The following DGKB variants were observed in gnomAD, a reference collection of about 807,000 sequenced individuals.
DGKB encodes the protein 90 kDa diacylglycerol kinase.
A neutral mutation model predicts 114.3 loss-of-function variants in DGKB; 67 were observed. The ratio of observed to expected loss-of-function variants is 0.59; its 90% CI spans 0.48 to 0.72. DGKB has a LOEUF of 0.72. Among genes scored for constraint, DGKB ranks in the 30% least tolerant of loss-of-function variants. The probability of loss-of-function intolerance (pLI) is 0.00; values close to 1 mark genes in which losing one functional copy is unlikely to be tolerated. For synonymous variants in DGKB, 398 were observed against 323.1 expected, an observed-to-expected ratio of 1.23 and a Z score of -2.49; for missense variants, 907 against 975.2, an observed-to-expected ratio of 0.93 and a Z score of 0.93.
chr7:14,641,179 G>A, intron 13 of DGKB, among the ~76,000 whole-genome samples: 1 of 152,122 alleles, frequency 6.6e-6, no homozygotes, highest in Non-Finnish European at 1.5e-5. Flanking sequence ...TTTCCAAAAT[G>A]GATAGAAAAA....
At chr7:14,295,219 A>G (rs4721319) in intron 23 of DGKB, among the ~76,000 whole-genome samples, 120,776 of 152,094 alleles carry the variant, frequency 0.79, 48,387 homozygotes, top group South Asian at 0.92. Context: ...TAGAAAGGAA[A>G]TCATACAAAA....
chr7:14,277,453 G>A (rs983144326), intron 23 of DGKB, among the ~76,000 whole-genome samples: 8 of 152,118 alleles, frequency 5.3e-5, no homozygotes, highest in East Asian at 1.9e-4. Flanking sequence ...GATTACAGGC[G>A]TGAATCACTG....
At chr7:14,490,508 G>T (rs1276166170) in intron 20 of DGKB, among the ~76,000 whole-genome samples, 1 of 152,064 alleles carries the variant, frequency 6.6e-6, no homozygotes, top group African/African-American at 2.4e-5. Context: ...ACTAGAAATG[G>T]TTATCTAGAC....
At chr7:14,242,375 G>C (rs1446719616) in intron 23 of DGKB, among the ~76,000 whole-genome samples, 1 of 152,126 alleles carries the variant, frequency 6.6e-6, no homozygotes, top group Non-Finnish European at 1.5e-5. Context: ...CTTTCTGTGA[G>C]GTAAGAGGTC....
At chr7:14,455,145 T>C (rs916668752) in intron 21 of DGKB, among the ~76,000 whole-genome samples, 1 of 152,082 alleles carries the variant, frequency 6.6e-6, no homozygotes, top group Non-Finnish European at 1.5e-5. Flanking sequence ...TATTTCTTTA[T>C]GACAACCAGG....
At chr7:14,738,013 A>G (rs1490045501) in intron 4 of DGKB, among the ~76,000 whole-genome samples, 1 of 152,248 alleles carries the variant, frequency 6.6e-6, no homozygotes, top group South Asian at 2.1e-4. Flanking sequence ...ACTTCCAAAA[A>G]AGCAATTTGC....
intron 23 of DGKB, among the ~76,000 whole-genome samples, chr7:14,330,267 C>A (rs1809493533): frequency 6.6e-6 from 1 of 151,752 alleles, no homozygotes; most frequent in Non-Finnish European, 1.5e-5. Context: ...ATCAATAAAC[C>A]ATATATTTTT....
intron 21 of DGKB, among the ~76,000 whole-genome samples, chr7:14,466,852 T>A (rs971266636): frequency 6.6e-6 from 1 of 152,130 alleles, no homozygotes; most frequent in East Asian, 1.9e-4. Flanking sequence ...ACGATGGCGT[T>A]TATATAGAGA....
At chr7:14,830,353 C>T (rs1001301907) in intron 2 of DGKB, among the ~76,000 whole-genome samples, 4 of 141,856 alleles carry the variant, frequency 2.8e-5, no homozygotes, top group African/African-American at 1.1e-4. Flanking sequence ...TTTTAAGAGC[C>T]CATTTCTAGA....
chr7:14,181,275 A>C (rs1167151399), intron 23 of DGKB, among the ~76,000 whole-genome samples: 1 of 152,210 alleles, frequency 6.6e-6, no homozygotes, highest in Non-Finnish European at 1.5e-5. Flanking sequence ...CCTATGCTTT[A>C]GAGAAACATG....
At chr7:14,697,329 T>C (rs1038794622) in intron 8 of DGKB, among the ~76,000 whole-genome samples, 7 of 152,124 alleles carry the variant, frequency 4.6e-5, no homozygotes, top group African/African-American at 1.2e-4. Flanking sequence ...AAATAGTGTA[T>C]CTACCTCAGA....
At chr7:14,342,459 C>A (rs923600044) in intron 22 of DGKB, among the ~76,000 whole-genome samples, 1 of 151,742 alleles carries the variant, frequency 6.6e-6, no homozygotes, top group Non-Finnish European at 1.5e-5. Context: ...AAAATATTTT[C>A]TTGTAATTTT....
intron 4 of DGKB, among the ~76,000 whole-genome samples, chr7:14,752,946 G>A (rs1294395552): frequency 6.6e-6 from 1 of 152,116 alleles, no homozygotes; most frequent in Non-Finnish European, 1.5e-5. Flanking sequence ...CAAGTTTCCA[G>A]AAAAGTCAGA....
At chr7:14,179,530 T>C (rs1782319077) in intron 23 of DGKB, among the ~76,000 whole-genome samples, 1 of 152,196 alleles carries the variant, frequency 6.6e-6, no homozygotes, top group South Asian at 2.1e-4. Flanking sequence ...ATGTGTTTTG[T>C]AGGGAATCCA....
chr7:14,239,609 A>G (rs1793344572), intron 23 of DGKB, among the ~76,000 whole-genome samples: 1 of 152,100 alleles, frequency 6.6e-6, no homozygotes, highest in Middle Eastern at 3.4e-3. Context: ...TTAGGATAGG[A>G]AAAAAGAGAG....
chr7:14,844,309 G>A (rs898972520), intron 1 of DGKB, among the ~76,000 whole-genome samples: 2 of 152,182 alleles, frequency 1.3e-5, no homozygotes, highest in Non-Finnish European at 2.9e-5. Flanking sequence ...ACTTTAATAT[G>A]GAGGCTATGT....
chr7:14,370,843 A>G (rs1382291187), intron 21 of DGKB, among the ~76,000 whole-genome samples: 1 of 152,066 alleles, frequency 6.6e-6, no homozygotes, highest in Non-Finnish European at 1.5e-5. Flanking sequence ...AGTAGTCTCC[A>G]ATGTCTATTG....
At chr7:14,839,418 T>C (rs890334101) in intron 2 of DGKB, among the ~76,000 whole-genome samples, 1 of 150,298 alleles carries the variant, frequency 6.7e-6, no homozygotes, top group Non-Finnish European at 1.5e-5. Context: ...TTTTTTTTTT[T>C]TTTTTTTTGA....
At chr7:14,442,133 T>C (rs1295632717) in intron 21 of DGKB, among the ~76,000 whole-genome samples, 1 of 152,006 alleles carries the variant, frequency 6.6e-6, no homozygotes, top group Non-Finnish European at 1.5e-5. Context: ...TCAGAATATT[T>C]GCTAAAATTG....
Sources: gnomAD v4.1 joint callset for allele counts (sites outside exome capture counted in the v4.1 genomes callset) on GRCh38, gnomAD v4.1.1 for gene constraint, MANE v1.5 for transcripts, NCBI Gene and HGNC (gene_info 2026-07-23, HGNC 2026-07-21) for gene names.